Variants in KLHL32 observed in about 807,000 individuals in gnomAD.
KLHL32 encodes the protein kelch like family member 32.
In KLHL32, 35 loss-of-function variants were observed where a neutral mutation model predicts 64.8. The observed-to-expected ratio is 0.54, with a 90% CI of 0.41 to 0.72. The LOEUF (loss-of-function observed/expected upper bound fraction) is 0.72, where lower values mean the gene tolerates loss of function less well. KLHL32 is among the 30% of genes least tolerant of loss of function. The probability of loss-of-function intolerance (pLI) is 0.00; values close to 1 mark genes in which losing one functional copy is unlikely to be tolerated. For synonymous variants in KLHL32, 259 were observed against 281.0 expected (o/e 0.92, Z 0.78); for missense variants, 589 against 768.5 (o/e 0.77, Z 2.76).
At chr6:97,068,014 A>G (rs1011357927) in intron 5 of KLHL32, among the ~76,000 whole-genome samples, 3 of 18,196 alleles carry the variant, frequency 1.6e-4, no homozygotes, top group Non-Finnish European at 8.4e-4. Flanking sequence ...ATACAGACAC[A>G]CACACACACA....
chr6:96,921,965 TCAAC>T (rs1307035972), upstream of KLHL32, among the ~76,000 whole-genome samples: 1 of 152,222 alleles, frequency 6.6e-6, no homozygotes, highest in Non-Finnish European at 1.5e-5. Flanking sequence ...TGTTACCTAC[TCAAC>T]CAAACTCTAG....
At chr6:96,984,966 C>A (rs61012363) in intron 3 of KLHL32, among the ~76,000 whole-genome samples, 1 of 144,954 alleles carries the variant, frequency 6.9e-6, no homozygotes, top group Admixed American at 7.0e-5. Flanking sequence ...TCTTCCTAGC[C>A]TTGATGGTCT....
At chr6:97,043,055 G>A (rs549416449) in intron 4 of KLHL32, among the ~76,000 whole-genome samples, 2 of 152,288 alleles carry the variant, frequency 1.3e-5, no homozygotes, top group South Asian at 4.1e-4. Flanking sequence ...TGCCAGCTCC[G>A]CTTCTCCTCT....
chr6:97,086,461 C>G (rs976701315), intron 6 of KLHL32, among the ~76,000 whole-genome samples: 1 of 152,158 alleles, frequency 6.6e-6, no homozygotes, highest in African/African-American at 2.4e-5. Flanking sequence ...GGGTCCCAGG[C>G]TCTCTGCAAA....
chr6:96,948,993 ATAAG>A (rs1326068449), intron 1 of KLHL32, among the ~76,000 whole-genome samples: 3 of 152,204 alleles, frequency 2.0e-5, no homozygotes, highest in African/African-American at 4.8e-5. Flanking sequence ...TGATATTTGC[ATAAG>A]TAAGATTTTA....
Position 97,087,637 on chromosome 6 carries a change from G to A in KLHL32, c.627+2296G>A, listed in dbSNP as rs183021120. 3.9e-5 allele frequency among the ~76,000 whole-genome samples: 6 copies of A among 152,250 alleles called. No individual in the cohort carries two copies. The East Asian group carries it at 5.8e-4, about 15-fold the overall frequency. Reference sequence around the variant, plus strand: ...GGTAATAGAAAACTGGATGGAGGGGGGCGTGCTATTTGATTAATATGTGCA... The same window carrying A: ...GGTAATAGAAAACTGGATGGAGGGGAGCGTGCTATTTGATTAATATGTGCA... On this transcript the variant is annotated intron_variant, in intron 6 of 10. Transcript: ENST00000369261.
the KLHL32 span, among the ~76,000 whole-genome samples, chr6:96,904,167 C>T: frequency 6.6e-6 from 1 of 151,760 alleles, no homozygotes; most frequent in Non-Finnish European, 1.5e-5. Flanking sequence ...CATACTAAAA[C>T]CCCGTCTCTA....
chr6:97,064,942 C>T (rs1789487588), intron 5 of KLHL32, among the ~76,000 whole-genome samples: 1 of 152,162 alleles, frequency 6.6e-6, no homozygotes, highest in South Asian at 2.1e-4. Flanking sequence ...CCTCCACTGT[C>T]CTGCCCACCT....
At chr6:96,991,690 C>T in intron 3 of KLHL32, among the ~76,000 whole-genome samples, 1 of 152,108 alleles carries the variant, frequency 6.6e-6, no homozygotes, top group Non-Finnish European at 1.5e-5. Flanking sequence ...CGTTCCTTCC[C>T]AAGCCGGAGA....
intron 3 of KLHL32, among the ~76,000 whole-genome samples, chr6:97,036,527 G>A (rs540596004): frequency 1.3e-5 from 2 of 152,292 alleles, no homozygotes; most frequent in Admixed American, 1.3e-4. Context: ...ACTTTCACCT[G>A]AGATGTGATG....
At chr6:97,015,871 C>T (rs989910109) in intron 3 of KLHL32, among the ~76,000 whole-genome samples, 1 of 152,052 alleles carries the variant, frequency 6.6e-6, no homozygotes, top group Admixed American at 6.6e-5. Flanking sequence ...GGGACTTGGT[C>T]CCCTGCATCT....
chr6:97,051,055 C>T (rs950926112), intron 4 of KLHL32, among the ~76,000 whole-genome samples: 41 of 152,154 alleles, frequency 2.7e-4, no homozygotes, highest in African/African-American at 9.9e-4. Context: ...AATATTCTTA[C>T]AGCATTTATA....
chr6:97,019,581 A>T (rs1314198365), intron 3 of KLHL32, among the ~76,000 whole-genome samples: 1 of 152,216 alleles, frequency 6.6e-6, no homozygotes, highest in African/African-American at 2.4e-5. Flanking sequence ...GTCTGCCCAC[A>T]GTTCTCTCAG....
At chr6:97,047,208 G>A (rs1786067411) in intron 4 of KLHL32, among the ~76,000 whole-genome samples, 1 of 152,244 alleles carries the variant, frequency 6.6e-6, no homozygotes, top group Non-Finnish European at 1.5e-5. Flanking sequence ...GAAAATGCAT[G>A]CATTTCCTAT....
intron 1 of KLHL32, among the ~76,000 whole-genome samples, chr6:96,960,806 C>T (rs372513778): frequency 4.6e-5 from 7 of 152,120 alleles, no homozygotes; most frequent in Non-Finnish European, 7.4e-5. Flanking sequence ...CAGCTGGAAG[C>T]GGGGGCTTCT....
intron 5 of KLHL32, among the ~76,000 whole-genome samples, chr6:97,070,786 A>G (rs1410367370): frequency 1.3e-5 from 2 of 152,174 alleles, no homozygotes; most frequent in Non-Finnish European, 2.9e-5. Flanking sequence ...GATTTTATTC[A>G]TGCTAGAGTT....
chr6:97,107,381 G>T (rs1177742341), intron 6 of KLHL32, among the ~76,000 whole-genome samples: 1 of 151,966 alleles, frequency 6.6e-6, no homozygotes. Context: ...ATGGCAAGTA[G>T]ATATAATTAA....
At chr6:96,976,898 CTATA>C in intron 3 of KLHL32, among the ~76,000 whole-genome samples, 1 of 152,246 alleles carries the variant, frequency 6.6e-6, no homozygotes, top group South Asian at 2.1e-4. Flanking sequence ...CGCGGCCAGC[CTATA>C]TATACTCTTA....
At chr6:97,050,202 T>C (rs537718427) in intron 4 of KLHL32, among the ~76,000 whole-genome samples, 1 of 152,358 alleles carries the variant, frequency 6.6e-6, no homozygotes, top group East Asian at 1.9e-4. Context: ...AATGTATTCC[T>C]GTTTTCCCAA....
Sources: allele counts gnomAD v4.1 joint callset (sites outside exome capture counted in the v4.1 genomes callset), GRCh38; gene constraint gnomAD v4.1.1; transcripts MANE v1.5; gene names NCBI Gene and HGNC (gene_info 2026-07-23, HGNC 2026-07-21).